Variants in NUMB observed in about 807,000 individuals in gnomAD.
NUMB encodes the protein protein numb homolog.
NUMB carries 29 observed loss-of-function variants against 59.7 expected under a neutral mutation model. The ratio of observed to expected loss-of-function variants is 0.49; its 90% CI spans 0.36 to 0.66. The LOEUF is 0.66. NUMB is among the 30% of genes least tolerant of loss of function. NUMB has a pLI of 0.00. For synonymous variants in NUMB, 288 were observed against 288.2 expected (o/e 1.00, Z 0.01); for missense variants, 723 against 822.0 (o/e 0.88, Z 1.47).
At chr14:73,317,973 C>G (rs1891178156) in intron 5 of NUMB, among the ~76,000 whole-genome samples, 1 of 152,210 alleles carries the variant, frequency 6.6e-6, no homozygotes. Context: ...AGTTTGTTTT[C>G]CCCTCTAAGC....
At chr14:73,437,347 T>C (rs898613562) in intron 1 of NUMB, among the ~76,000 whole-genome samples, 3 of 152,212 alleles carry the variant, frequency 2.0e-5, no homozygotes, top group Non-Finnish European at 4.4e-5. Flanking sequence ...TATTTTTCTC[T>C]TAATCGTGCT....
At chr14:73,334,050 G>A (rs562842610) in intron 4 of NUMB, among the ~76,000 whole-genome samples, 1 of 149,548 alleles carries the variant, frequency 6.7e-6, no homozygotes, top group South Asian at 2.1e-4. Context: ...GGTTTTTTGT[G>A]TGTGTGTGTT....
rs1028049042 is a variant in NUMB, at chr14:73,279,140, T to A, written c.1240+141A>T. On this transcript the variant is annotated intron_variant, in intron 12 of 12. Transcript: ENST00000555238. ...TTCTCCTTCACCATCCTTTCTTATG[T>A]AAGCAACTTATTTCTAGGAGGGAAC... 7 of 881,508 alleles carry A rather than the reference T, an allele frequency of 7.9e-6. No individual in the cohort carries two copies. In the Admixed American group the frequency reaches 1.6e-4, roughly 20 times the overall value. 54.6% of individuals were successfully genotyped at this position (881,508 alleles called of 1,614,324 possible).
intron 6 of NUMB, among the ~76,000 whole-genome samples, chr14:73,307,183 C>T (rs2139874766): frequency 6.6e-6 from 1 of 152,074 alleles, no homozygotes; most frequent in East Asian, 1.9e-4. Flanking sequence ...GTGGCGGGCA[C>T]CTGTAGTCCC....
chr14:73,291,936 G>A lies in NUMB; in HGVS notation c.450+798C>T, dbSNP rs150550878. Among the ~76,000 whole-genome samples, 920 of 152,056 alleles carry A rather than the reference G, an allele frequency of 6.1e-3. 12 individuals are homozygous for A. Among genetic ancestry groups the A allele is most frequent in the Non-Finnish European group, 7.8e-3 (529 of 67,948 alleles). The stretch of plus-strand genomic sequence containing the variant: ...CCTGACCTCGTGATCCGCCTGCCTC[G>A]GCCTCCTAAAGTGCTGGGATTACAG... On this transcript the variant is annotated intron_variant, in intron 8 of 12. Coordinates refer to ENST00000555238, the MANE Select transcript of NUMB (RefSeq NM_001005743.2).
intron 1 of NUMB, among the ~76,000 whole-genome samples, chr14:73,442,464 T>C (rs1883134425): frequency 6.6e-6 from 1 of 152,202 alleles, no homozygotes; most frequent in South Asian, 2.1e-4. Flanking sequence ...TATGTGAATG[T>C]TCATATTGGC....
At chr14:73,308,716 G>A (rs1452360905) in intron 6 of NUMB, among the ~76,000 whole-genome samples, 1 of 152,214 alleles carries the variant, frequency 6.6e-6, no homozygotes, top group African/African-American at 2.4e-5. Context: ...CCATCACACT[G>A]TGGATGAGAT....
chr14:73,401,248 A>G (rs560968562), intron 2 of NUMB, among the ~76,000 whole-genome samples: 1 of 152,104 alleles, frequency 6.6e-6, no homozygotes, highest in Non-Finnish European at 1.5e-5. Context: ...GATTTTTCTT[A>G]TATCTCCTGT....
chr14:73,339,989 G>C (rs567226302), intron 4 of NUMB, among the ~76,000 whole-genome samples: 2 of 150,888 alleles, frequency 1.3e-5, no homozygotes, highest in Non-Finnish European at 3.0e-5. Context: ...GATGGAAGTG[G>C]TGGGGGGGAC....
intron 3 of NUMB, among the ~76,000 whole-genome samples, chr14:73,359,667 A>G (rs1436794782): frequency 1.3e-5 from 2 of 152,196 alleles, no homozygotes; most frequent in African/African-American, 4.8e-5. Context: ...TAGAATAAAA[A>G]TATATTTGAT....
At chr14:73,441,165 T>C (rs1280386655) in intron 1 of NUMB, among the ~76,000 whole-genome samples, 1 of 152,096 alleles carries the variant, frequency 6.6e-6, no homozygotes, top group African/African-American at 2.4e-5. Flanking sequence ...AAAAAGACAC[T>C]TCTTCCAAGA....
At chr14:73,305,703 G>A (rs1209463158) in intron 6 of NUMB, among the ~76,000 whole-genome samples, 1 of 152,196 alleles carries the variant, frequency 6.6e-6, no homozygotes, top group African/African-American at 2.4e-5. Flanking sequence ...TTAGGGCAGA[G>A]CAAGTCACTC....
At chr14:73,376,487 T>C (rs1894951192) in intron 2 of NUMB, among the ~76,000 whole-genome samples, 1 of 151,756 alleles carries the variant, frequency 6.6e-6, no homozygotes. Flanking sequence ...TCCCGACAAG[T>C]TATTTTGTGG....
chr14:73,377,777 G>A (rs141748580), intron 2 of NUMB, among the ~76,000 whole-genome samples: 89 of 152,320 alleles, frequency 5.8e-4, no homozygotes, highest in African/African-American at 2.1e-3. Context: ...GACCAGCCTA[G>A]CCCACATGGC....
At chr14:73,329,365 TA>T (rs1891835416) in intron 4 of NUMB, among the ~76,000 whole-genome samples, 1 of 152,232 alleles carries the variant, frequency 6.6e-6, no homozygotes, top group Non-Finnish European at 1.5e-5. Flanking sequence ...TCAGGTATGG[TA>T]ACCACTAGTG....
intron 1 of NUMB, among the ~76,000 whole-genome samples, chr14:73,433,818 G>A (rs568620888): frequency 6.6e-6 from 1 of 151,592 alleles, no homozygotes; most frequent in South Asian, 2.1e-4. Context: ...GGCCAGGCGC[G>A]GTGGCCCATG....
chr14:73,365,668 G>T (rs1340630146), intron 3 of NUMB, among the ~76,000 whole-genome samples: 1 of 152,066 alleles, frequency 6.6e-6, no homozygotes, highest in Non-Finnish European at 1.5e-5. Flanking sequence ...ATACAAGGCA[G>T]GTCCCATTCT....
chr14:73,345,266 G>A, intron 4 of NUMB, among the ~76,000 whole-genome samples: 1 of 152,164 alleles, frequency 6.6e-6, no homozygotes, highest in Non-Finnish European at 1.5e-5. Context: ...AATATCTCAT[G>A]TTCTCACTTA....
chr14:73,292,646 G>A, intron 8 of NUMB, 88 bp downstream of exon 8: 1 of 1,326,248 alleles, frequency 7.5e-7, no homozygotes, highest in Non-Finnish European at 1.0e-6. Flanking sequence ...TGTTAAAAAT[G>A]TAGTAGAAAC....
Sources: gnomAD v4.1 joint callset for allele counts (sites outside exome capture counted in the v4.1 genomes callset) on GRCh38, gnomAD v4.1.1 for gene constraint, MANE v1.5 for transcripts, NCBI Gene and HGNC (gene_info 2026-07-23, HGNC 2026-07-21) for gene names.